CSGALNACT1: variants seen among roughly 807,000 people sequenced by gnomAD.
CSGALNACT1 encodes the protein beta4GalNAcT-1.
Under a neutral mutation model 51.0 loss-of-function variants are expected in CSGALNACT1, and 52 were observed. That is an observed-to-expected ratio of 1.02 (90% CI 0.82 to 1.29). CSGALNACT1 has a LOEUF of 1.29. Among genes scored for constraint, CSGALNACT1 ranks in the 50% most tolerant of loss-of-function variants. CSGALNACT1 has a pLI of 0.00. For synonymous variants in CSGALNACT1, 341 were observed against 254.4 expected (o/e 1.34, Z -3.24); for missense variants, 935 against 679.2 (o/e 1.38, Z -4.19).
At chr8:19,469,019 A>G (rs891968178) in intron 4 of CSGALNACT1, among the ~76,000 whole-genome samples, 1 of 152,132 alleles carries the variant, frequency 6.6e-6, no homozygotes, top group African/African-American at 2.4e-5. Context: ...CAGCAGCATC[A>G]AGGAACCCAA....
intron 4 of CSGALNACT1, among the ~76,000 whole-genome samples, chr8:19,489,938 C>G (rs2073979485): frequency 6.6e-6 from 1 of 152,164 alleles, no homozygotes; most frequent in Admixed American, 6.5e-5. Flanking sequence ...TCCTTCTACA[C>G]CTTGAATGGT....
At chr8:19,643,981 G>C (rs949249764) in intron 1 of CSGALNACT1, among the ~76,000 whole-genome samples, 1 of 152,192 alleles carries the variant, frequency 6.6e-6, no homozygotes, top group Non-Finnish European at 1.5e-5. Context: ...TGTGGACAAA[G>C]ATGTCTATGC....
At chr8:19,665,079 C>T (rs373373738) in intron 1 of CSGALNACT1, among the ~76,000 whole-genome samples, 20 of 152,206 alleles carry the variant, frequency 1.3e-4, no homozygotes, top group African/African-American at 4.3e-4. Context: ...ACTGAGATGA[C>T]CTTGGCTCAC....
intron 1 of CSGALNACT1, among the ~76,000 whole-genome samples, chr8:19,650,190 C>A (rs368133529): frequency 6.6e-6 from 1 of 152,192 alleles, no homozygotes; most frequent in Non-Finnish European, 1.5e-5. Flanking sequence ...AGGCACCAGG[C>A]AATACATAAA....
chr8:19,549,898 G>A (rs1264743865), intron 3 of CSGALNACT1, among the ~76,000 whole-genome samples: 1 of 152,038 alleles, frequency 6.6e-6, no homozygotes, highest in Non-Finnish European at 1.5e-5. Context: ...TAAGAAGTCA[G>A]ATGCTGGAAT....
chr8:19,461,069 C>T (rs1055331218), intron 4 of CSGALNACT1, among the ~76,000 whole-genome samples: 2 of 152,184 alleles, frequency 1.3e-5, no homozygotes, highest in Non-Finnish European at 1.5e-5. Context: ...CCTTTGGAAG[C>T]CTTCACCAAT....
At chr8:19,696,314 AT>A (rs1004708389) in intron 1 of CSGALNACT1, among the ~76,000 whole-genome samples, 11 of 152,292 alleles carry the variant, frequency 7.2e-5, no homozygotes, top group African/African-American at 2.6e-4. Context: ...TGTGTGTCAT[AT>A]TTTTTTAAGT....
chr8:19,686,604 C>A (rs923021496), upstream of CSGALNACT1, among the ~76,000 whole-genome samples: 1 of 152,196 alleles, frequency 6.6e-6, no homozygotes, highest in African/African-American at 2.4e-5. Flanking sequence ...ATAATAGCCA[C>A]CAAAAAACAA....
rs552781175 is a variant in CSGALNACT1, at chr8:19,733,218, T to C, written c.-297+24632A>G. On this transcript the variant is annotated intron_variant, in intron 1 of 1. Transcript: ENST00000517494. ...CTTTATATGGAAGGTATCTCAGAAATATGAGTTAAATAAGAATAAAATCCC... is the reference window on the plus strand; with the variant it reads ...CTTTATATGGAAGGTATCTCAGAAACATGAGTTAAATAAGAATAAAATCCC... Among the ~76,000 whole-genome samples the C allele has an allele frequency of 5.3e-5, 8 of 152,294 alleles. No individual in the cohort carries two copies. The South Asian group carries it at 1.7e-3, about 32-fold the overall frequency.
At chr8:19,586,328 C>T (rs1245398303) in intron 3 of CSGALNACT1, among the ~76,000 whole-genome samples, 1 of 151,464 alleles carries the variant, frequency 6.6e-6, no homozygotes. Flanking sequence ...CACTGCACTC[C>T]AGCCTGGGCA....
chr8:19,602,431 G>C (rs2050645767), exon 1 of CSGALNACT1: 1 of 152,490 alleles, frequency 6.6e-6, no homozygotes, highest in Admixed American at 6.5e-5. Context: ...AGGGAGGAAC[G>C]ACCGCCTTCC....
intron 1 of CSGALNACT1, among the ~76,000 whole-genome samples, chr8:19,652,210 C>A (rs577891536): frequency 6.6e-6 from 1 of 152,110 alleles, no homozygotes. Context: ...CTAGGCCTCC[C>A]AAAGTACTAA....
chr8:19,422,262 T>A (rs1473686418), intron 6 of CSGALNACT1, among the ~76,000 whole-genome samples: 1 of 152,150 alleles, frequency 6.6e-6, no homozygotes. Context: ...TGATCATAGC[T>A]CACTACAGCC....
At position 19,590,640 on chromosome 8, in the gene CSGALNACT1, C is replaced by CTTTTTT. The variant is rs34859554; in HGVS notation, c.-297+514_-297+519dup. Reference sequence around the variant, plus strand: ...TACTCATAGCTGGTGGACCTAACTACTTTTTTTTTTTTTTTTTTTTTTTTT... The same window carrying CTTTTTT: ...TACTCATAGCTGGTGGACCTAACTACTTTTTTTTTTTTTTTTTTTTTTTTTTTTTTT... On this transcript the variant is annotated intron_variant, in intron 3 of 9. Transcript: ENST00000454498. 4.2e-4 allele frequency among the ~76,000 whole-genome samples: 29 copies of CTTTTTT among 68,980 alleles called. 3 individuals are homozygous for CTTTTTT. The highest frequency in any genetic ancestry group is 1.5e-3 in the African/African-American group (27 of 18,184). The allele number at this position is 68,980 out of a possible 152,430, so 45.3% of individuals were successfully genotyped here.
intron 4 of CSGALNACT1, among the ~76,000 whole-genome samples, chr8:19,495,620 G>A (rs2075315772): frequency 6.6e-6 from 1 of 152,192 alleles, no homozygotes; most frequent in African/African-American, 2.4e-5. Context: ...TAGGGCACAA[G>A]CTCCAGATGG....
In CSGALNACT1 at chr8:19,497,877, C is replaced by T. The variant is rs185972911; in HGVS notation, c.634+7324G>A. Reference sequence around the variant, plus strand: ...TAATCAGAAACTCAAAAGAATACAGCCATTTGTCCCTTACATACCTAAGAC... The same window carrying T: ...TAATCAGAAACTCAAAAGAATACAGTCATTTGTCCCTTACATACCTAAGAC... On this transcript the variant is annotated intron_variant, in intron 4 of 9. Transcript: ENST00000454498. Among the ~76,000 whole-genome samples the T allele has an allele frequency of 1.5e-4, 23 of 152,246 alleles. 1 individual carries two copies. The East Asian group carries it at 4.5e-3, about 29-fold the overall frequency.
chr8:19,578,435 C>T (rs182941178), intron 3 of CSGALNACT1, among the ~76,000 whole-genome samples: 2 of 152,254 alleles, frequency 1.3e-5, no homozygotes, highest in Admixed American at 6.5e-5. Flanking sequence ...TTTCCTATAG[C>T]CTCTCTTGCG....
chr8:19,696,931 A>G (rs149683370), intron 1 of CSGALNACT1, among the ~76,000 whole-genome samples: 1 of 152,306 alleles, frequency 6.6e-6, no homozygotes, highest in East Asian at 1.9e-4. Flanking sequence ...AATGAATACT[A>G]GCATGAAAAG....
chr8:19,746,203 C>T (rs1328135015), intron 1 of CSGALNACT1, among the ~76,000 whole-genome samples: 1 of 152,116 alleles, frequency 6.6e-6, no homozygotes, highest in African/African-American at 2.4e-5. Context: ...TAATATATTC[C>T]TTTCCTTGTA....
Sources: allele counts gnomAD v4.1 joint callset (sites outside exome capture counted in the v4.1 genomes callset), GRCh38; gene constraint gnomAD v4.1.1; transcripts MANE v1.5; gene names NCBI Gene and HGNC (gene_info 2026-07-23, HGNC 2026-07-21).